Variants in ZNF335 observed in about 807,000 individuals in gnomAD.
The protein encoded by ZNF335 is zinc finger protein 335.
Under a neutral mutation model 145.6 loss-of-function variants are expected in ZNF335, and 84 were observed. That is an observed-to-expected ratio of 0.58 (90% CI 0.48 to 0.69). The LOEUF is 0.69. Among genes scored for constraint, ZNF335 ranks in the 30% least tolerant of loss-of-function variants. The pLI, the probability that ZNF335 is intolerant of heterozygous loss-of-function variation, is 0.00. For synonymous variants in ZNF335, 761 were observed against 717.0 expected (o/e 1.06, Z -0.98); for missense variants, 1,865 against 1,809.7 (o/e 1.03, Z -0.55).
chr20:45,950,664 G>A, intron 20 of ZNF335, 69 bp from the exon 21 acceptor site: 1 of 1,586,396 alleles, frequency 6.3e-7, no homozygotes. Flanking sequence ...CCGGATCCCT[G>A]CTGACAGCTG....
At position 45,963,622 on chromosome 20, in the gene ZNF335, A is replaced by G; in HGVS notation, c.1384T>C (p.Leu462=). 6.2e-7 allele frequency: 1 copy of G among 1,614,220 alleles called. No individual in the cohort carries two copies. Among genetic ancestry groups the G allele is most frequent in the Non-Finnish European group, 8.5e-7 (1 of 1,180,026 alleles). Residue 462 remains leucine, a synonymous_variant, in exon 9 of 28, where the codon TTG becomes CTG. Transcript: ENST00000322927. ...CAGATGCGGCACAGGAAGGGCCTCA[A>G]AAGTGGTTTGGGCGACTTGTAATAG... ...KYYYKSPKPL[L]RPFLCRICGS...
rs750293512 is a variant in ZNF335 at position 45,963,848 on chromosome 20, C to A, written c.1245G>T (p.Val415=). ...KVSRTPVEAG[V]SQSDAENAAP... is the part of the protein sequence containing the mutation. ...CTGCGTTCTCTGCATCTGACTGGCT[C>A]ACACCAGCTTCCACAGGGGTCCTGC... Residue 415 remains valine, a synonymous_variant, in exon 8 of 28, where the codon GTG becomes GTT. Coordinates refer to ENST00000322927, the MANE Select transcript of ZNF335 (RefSeq NM_022095.4). 6.2e-7 allele frequency: 1 copy of A among 1,612,834 alleles called. No homozygotes were observed. Among genetic ancestry groups the A allele is most frequent in the Non-Finnish European group, 8.5e-7 (1 of 1,179,254 alleles).
rs777612199 is a variant in ZNF335, at chr20:45,960,351, C to A, written c.1877G>T (p.Cys626Phe). 6.2e-7 allele frequency: 1 copy of A among 1,614,112 alleles called. No homozygotes were observed. The highest frequency in any genetic ancestry group is 2.2e-5 in the East Asian group (1 of 44,902). Residue 626 changes from cysteine to phenylalanine, a missense_variant, in exon 14 of 28, where the codon TGT becomes TTT. Cys to Phe is a radical substitution (Grantham distance 205, BLOSUM62 -2). Transcript: ENST00000322927. ...CTTCTTGTCTTCACAAACAAACTCACAGAACTCACACTTGAACCTGGAGGC... is the reference window on the plus strand; with the variant it reads ...CTTCTTGTCTTCACAAACAAACTCAAAGAACTCACACTTGAACCTGGAGGC... ...VANRRFKCEF[C>F]EFVCEDKKAL... is the part of the protein sequence containing the mutation.
At chr20:45,963,709 T>C (rs755916443) in intron 8 of ZNF335, 29 bp downstream of exon 8, 2 of 1,614,072 alleles carry the variant, frequency 1.2e-6, no homozygotes, top group Non-Finnish European at 1.7e-6. Context: ...ACCACATGCA[T>C]GCCCCACCCT....
rs2083958694 is a variant in ZNF335, at chr20:45,966,587, G to C, written c.956-813C>G. ...TTTTTCTGAGACAGAGTCTTGCTCT[G>C]TCGCCCAGGCTGGAGTACAGTGGCA... is the stretch of plus-strand genomic sequence containing the variant. On this transcript the variant is annotated intron_variant, in intron 6 of 27. Transcript: ENST00000322927. 4.2e-5 allele frequency among the ~76,000 whole-genome samples: 6 copies of C among 143,126 alleles called. No individual in the cohort carries two copies. The Admixed American group carries it at 4.2e-4, about 10-fold the overall frequency. 93.9% of individuals were successfully genotyped at this position (143,126 alleles called of 152,430 possible). A position where few individuals can be genotyped will look rare whatever the true frequency, so the allele number is the denominator to read the frequency against.
In ZNF335 at chr20:45,971,434, C is replaced by A. The variant is rs924711110; in HGVS notation, c.-24G>T. 4 of 1,597,414 alleles carry A rather than the reference C, an allele frequency of 2.5e-6. No homozygotes were observed. The highest frequency in any genetic ancestry group is 3.4e-6 in the Non-Finnish European group (4 of 1,179,052). ...ATCTGATCGGCGGGCTGCCTGACAG[C>A]GGGGCGTAGGGTCTGGGAACTTCAC... On this transcript the variant is annotated 5_prime_UTR_variant, in exon 2 of 28. Coordinates refer to ENST00000322927, the MANE Select transcript of ZNF335 (RefSeq NM_022095.4).
chr20:45,951,909 T>C (rs1194188823), intron 20 of ZNF335, among the ~76,000 whole-genome samples: 1 of 152,218 alleles, frequency 6.6e-6, no homozygotes, highest in East Asian at 1.9e-4. Context: ...CTCTGTGTCC[T>C]GCACCCTTGG....
Position 45,963,919 on chromosome 20 carries a change from G to C in ZNF335, c.1174C>G (p.Pro392Ala), listed in dbSNP as rs771316714. The change falls in exon 8 of 28, where the codon CCC (proline) becomes GCC (alanine). Residue 392 changes from proline (P) to alanine (A), a missense_variant. Pro to Ala is a conservative substitution (Grantham distance 27, BLOSUM62 -1). Coordinates refer to ENST00000322927, the MANE Select transcript of ZNF335 (RefSeq NM_022095.4). ...AGGTGTCCTGGGCCTGAGGAGCTGG[G>C]AGCCTCGGGATCCTGTGGCTCTGGA... ...SPPEPQDPEA[P>A]SSSGPGHLVA... The C allele has an allele frequency of 1.3e-6, 2 of 1,575,916 alleles. No individual in the cohort carries two copies. The highest frequency in any genetic ancestry group is 1.7e-6 in the Non-Finnish European group (2 of 1,159,762).
chr20:45,948,972 A>T lies in ZNF335; in HGVS notation c.4010T>A (p.Ile1337Asn). The T allele has an allele frequency of 1.9e-6, 3 of 1,613,896 alleles. No individual in the cohort carries two copies. Among genetic ancestry groups the T allele is most frequent in the African/African-American group, 2.7e-5 (2 of 75,046 alleles). The stretch of plus-strand genomic sequence containing the variant: ...CGGGGCTCAGTCATCGGCCAGGGTG[A>T]TGACGTCGTACTCGATGCCCTGGTG... The part of the protein sequence containing the change: ...LQHQGIEYDV[I>N]TLADD The change falls in exon 28 of 28, where the codon ATC becomes AAC. Residue 1337 changes from isoleucine (I) to asparagine (N), a missense_variant. Physicochemically the swap from Ile to Asn is moderately radical, Grantham distance 149. Transcript: ENST00000322927.
rs1346220310 is a variant in ZNF335 at position 45,952,676 on chromosome 20, C to T, written c.2736G>A (p.Val912=). 1 of 1,613,748 alleles carries T rather than the reference C, an allele frequency of 6.2e-7. No individual in the cohort carries two copies. The highest frequency in any genetic ancestry group is 2.2e-5 in the East Asian group (1 of 44,862). Residue 912 remains valine, a synonymous_variant, in exon 19 of 28, where the codon GTG becomes GTA. Transcript: ENST00000322927. ...EEPAGEAAQA[V]VVSDTLKEAG... ...CTTCTTTTAGGGTGTCACTCACAAC[C>T]ACAGCCTGGGCTGCCTCTCCTGCGG...
rs1375956136 is a variant in ZNF335, at chr20:45,950,017, T to C, written c.3540A>G (p.Ala1180=). Residue 1180 remains alanine (A), a synonymous_variant, in exon 23 of 28, where the codon GCA becomes GCG. Coordinates refer to ENST00000322927, the MANE Select transcript of ZNF335 (RefSeq NM_022095.4). ...GVLGPERLQQ[A]LSQEHIIVAQ... ...CAACGATGATGTGTTCCTGGCTCAG[T>C]GCCTGCTGTAGCCGCTCTGGGCCCA... 4.3e-6 allele frequency: 7 copies of C among 1,614,122 alleles called. No homozygotes were observed. The highest frequency in any genetic ancestry group is 5.9e-6 in the Non-Finnish European group (7 of 1,180,026).
chr20:45,950,715 C>G (rs1047039970), intron 20 of ZNF335, 120 bp from the exon 21 acceptor site: 2 of 1,377,554 alleles, frequency 1.5e-6, no homozygotes, highest in South Asian at 2.6e-5. Context: ...AAACCAAAAT[C>G]CTGTGCACTA....
rs1343796431 is a variant in ZNF335 at position 45,960,488 on chromosome 20, A to G, written c.1820T>C (p.Met607Thr). 6.2e-6 allele frequency: 10 copies of G among 1,614,070 alleles called. No individual in the cohort carries two copies. Among genetic ancestry groups the G allele is most frequent in the Non-Finnish European group, 8.5e-6 (10 of 1,180,038 alleles). ...AGCCTGGATGTGCGTGAGCAGGTGCATTTTGAAGGTGTAGCGCTTCTTAAA... is the reference window on the plus strand; with the variant it reads ...AGCCTGGATGTGCGTGAGCAGGTGCGTTTTGAAGGTGTAGCGCTTCTTAAA... The part of the protein sequence containing the change: ...KSFKKRYTFK[M>T]HLLTHIQAVA... Residue 607 changes from methionine (M) to threonine (T), a missense_variant, in exon 13 of 28, where the codon ATG becomes ACG. Physicochemically the swap from Met to Thr is moderately conservative, Grantham distance 81. Coordinates refer to ENST00000322927, the MANE Select transcript of ZNF335 (RefSeq NM_022095.4).
At chr20:45,968,076 T>G (rs549091877) in intron 4 of ZNF335, 49 bp from the exon 5 acceptor site, 2 of 1,607,896 alleles carry the variant, frequency 1.2e-6, no homozygotes, top group South Asian at 2.2e-5. Flanking sequence ...AGGGCAGCAC[T>G]GGCCATGAGC....
In ZNF335 at chr20:45,967,917, C is replaced by T. The variant is rs772202144; in HGVS notation, c.631G>A (p.Gly211Ser). ...TSTSTCLEAQ[G>S]GPSSPVQLPP... Reference sequence around the variant, plus strand: ...AGCTGCACCGGGGAGCTGGGCCCACCCTGTGCCTCCAGGCATGTGGATGTG... The same window carrying T: ...AGCTGCACCGGGGAGCTGGGCCCACTCTGTGCCTCCAGGCATGTGGATGTG... The change falls in exon 5 of 28, where the codon GGT becomes AGT. Residue 211 changes from glycine (G) to serine (S), a missense_variant. Coordinates refer to ENST00000322927, the MANE Select transcript of ZNF335 (RefSeq NM_022095.4). 5 of 1,612,454 alleles carry T rather than the reference C, an allele frequency of 3.1e-6. No homozygotes were observed. The highest frequency in any genetic ancestry group is 4.2e-6 in the Non-Finnish European group (5 of 1,179,584).
intron 3 of ZNF335, 120 bp from the exon 4 acceptor site, chr20:45,968,482 T>G: frequency 2.3e-6 from 2 of 883,804 alleles, no homozygotes; most frequent in Non-Finnish European, 3.6e-6. Context: ...CTGGCTCCCA[T>G]GTGCGACTGC....
At chr20:45,969,849 C>T in intron 2 of ZNF335, 158 bp from the exon 3 acceptor site, 2 of 922,444 alleles carry the variant, frequency 2.2e-6, no homozygotes, top group South Asian at 2.2e-5. Context: ...GTGAGAGAGG[C>T]CCTCCAGTCA....
At chr20:45,969,743 AG>A in intron 2 of ZNF335, 52 bp from the exon 3 acceptor site, 1 of 1,584,572 alleles carries the variant, frequency 6.3e-7, no homozygotes. Context: ...GGTATGGGGC[AG>A]GGCAGCCTGC....
In ZNF335 at chr20:45,967,567, G is replaced by A. The variant is rs1228175341; in HGVS notation, c.882C>T (p.Ser294=). The A allele has an allele frequency of 6.2e-7, 1 of 1,614,020 alleles. No individual in the cohort carries two copies. Among genetic ancestry groups the A allele is most frequent in the East Asian group, 2.2e-5 (1 of 44,864 alleles). The change falls in exon 6 of 28, where the codon AGC becomes AGT. Residue 294 remains serine, a synonymous_variant. Transcript: ENST00000322927. ...CCTCCTCTGGTCCCTCTTCCTCTTG[G>A]CTCTTGGTGGAGGTGCTCCACTTCC... ...RLRKWSTSTK[S]QEEEGPEEED...
Sources: gnomAD v4.1 joint callset for allele counts (sites outside exome capture counted in the v4.1 genomes callset) on GRCh38, gnomAD v4.1.1 for gene constraint, MANE v1.5 for transcripts, NCBI Gene and HGNC (gene_info 2026-07-23, HGNC 2026-07-21) for gene names.